NSUN6: variants seen among roughly 807,000 people sequenced by gnomAD.
NSUN6 encodes the protein tRNA (cytosine(72)-C(5))-methyltransferase NSUN6.
In NSUN6, 64 loss-of-function variants were observed where a neutral mutation model predicts 58.0. That is an observed-to-expected ratio of 1.10 (90% CI 0.90 to 1.36). NSUN6 has a LOEUF of 1.36. NSUN6 is among the 40% of genes most tolerant of loss of function. The pLI is 0.00. For synonymous variants in NSUN6, 231 were observed against 193.9 expected, an observed-to-expected ratio of 1.19 and a Z score of -1.59; for missense variants, 701 against 550.1, an observed-to-expected ratio of 1.27 and a Z score of -2.74.
intron 8 of NSUN6, among the ~76,000 whole-genome samples, chr10:18,560,231 G>A (rs1418950785): frequency 2.0e-5 from 3 of 150,324 alleles, no homozygotes; most frequent in African/African-American, 4.9e-5. Flanking sequence ...GGAATGGAAC[G>A]GAGAATGGCA....
chr10:18,606,402 G>C (rs2058050245), intron 6 of NSUN6, among the ~76,000 whole-genome samples: 1 of 82,348 alleles, frequency 1.2e-5, no homozygotes, highest in African/African-American at 4.6e-5. Context: ...GTTATCGCAG[G>C]CCAGAAGAGA....
chr10:18,565,945 C>CTTCCATCCTTCA (rs2055897686), intron 8 of NSUN6, among the ~76,000 whole-genome samples: 2 of 146,634 alleles, frequency 1.4e-5, no homozygotes, highest in African/African-American at 5.0e-5. Flanking sequence ...CTCCCATTCC[C>CTTCCATCCTTCA]TTCCATTCTC....
At chr10:18,639,096 C>A (rs764954797) in intron 3 of NSUN6, among the ~76,000 whole-genome samples, 5 of 151,548 alleles carry the variant, frequency 3.3e-5, no homozygotes, top group Non-Finnish European at 7.4e-5. Context: ...CTCAAACAAA[C>A]AAACAAACAA....
intron 8 of NSUN6, among the ~76,000 whole-genome samples, chr10:18,564,189 T>C (rs1458088804): frequency 6.6e-6 from 1 of 151,352 alleles, no homozygotes; most frequent in Non-Finnish European, 1.5e-5. Context: ...TACCATTCCA[T>C]TCCATTTCAT....
At chr10:18,563,698 TCATTCCATTCTTCATTCCACTC>T (rs1287866105) in intron 8 of NSUN6, among the ~76,000 whole-genome samples, 1 of 150,376 alleles carries the variant, frequency 6.6e-6, no homozygotes, top group African/African-American at 2.4e-5. Context: ...ATTCTCTATT[TCATTCCATTCTTCATTCCACTC>T]CGTTCCATTC....
At chr10:18,585,741 T>C (rs556665669) in intron 8 of NSUN6, among the ~76,000 whole-genome samples, 1 of 152,298 alleles carries the variant, frequency 6.6e-6, no homozygotes, top group East Asian at 1.9e-4. Context: ...CACAGCATGG[T>C]GACTATACTA....
At position 18,614,499 on chromosome 10, in the gene NSUN6, A is replaced by G; in HGVS notation, c.536T>C (p.Leu179Pro). The G allele has an allele frequency of 5.8e-6, 9 of 1,562,336 alleles. No individual in the cohort carries two copies. The highest frequency in any genetic ancestry group is 7.8e-6 in the Non-Finnish European group (9 of 1,157,884). Reference sequence around the variant, plus strand: ...TCCACTGAAGATTTCTTTGCGGCTTAGTTCAGAAATCCCATTTCCAAGAAA... The same window carrying G: ...TCCACTGAAGATTTCTTTGCGGCTTGGTTCAGAAATCCCATTTCCAAGAAA... Reference protein sequence around the residue: ...KVFLGNGISELSRKEIFSGLP... With the variant: ...KVFLGNGISEPSRKEIFSGLP... The change falls in exon 5 of 11, where the codon CTA becomes CCA. Residue 179 changes from leucine (L) to proline (P), a missense_variant. Transcript: ENST00000377304.
intron 7 of NSUN6, among the ~76,000 whole-genome samples, chr10:18,595,927 A>G (rs1183667970): frequency 6.6e-6 from 1 of 152,214 alleles, no homozygotes; most frequent in Non-Finnish European, 1.5e-5. Flanking sequence ...ATGAAATCTT[A>G]TAAGAAAATG....
chr10:18,611,197 ATT>A (rs1215820384), intron 5 of NSUN6, among the ~76,000 whole-genome samples: 11 of 150,574 alleles, frequency 7.3e-5, no homozygotes, highest in African/African-American at 1.9e-4. Context: ...AATAAATAAA[ATT>A]TTTAAAAAAA....
At chr10:18,644,492 A>C (rs1408777583) in intron 2 of NSUN6, among the ~76,000 whole-genome samples, 1 of 112,848 alleles carries the variant, frequency 8.9e-6, no homozygotes, top group African/African-American at 3.5e-5. Context: ...TCACTGTATT[A>C]AGGTATGTCT....
chr10:18,556,051 G>A (rs2054992543), intron 8 of NSUN6, among the ~76,000 whole-genome samples: 1 of 151,208 alleles, frequency 6.6e-6, no homozygotes, highest in Non-Finnish European at 1.5e-5. Flanking sequence ...GTGTGGAATG[G>A]AAGGGAAAAT....
intron 6 of NSUN6, among the ~76,000 whole-genome samples, chr10:18,597,661 G>A (rs962854043): frequency 1.3e-5 from 2 of 152,164 alleles, no homozygotes; most frequent in African/African-American, 2.4e-5. Flanking sequence ...AGCTACTCAG[G>A]AGGCTGAGGC....
At chr10:18,642,599 T>A in intron 2 of NSUN6, 44 bp from the exon 3 acceptor site, 1 of 937,632 alleles carries the variant, frequency 1.1e-6, no homozygotes, top group Non-Finnish European at 1.7e-6. Context: ...ATACATTTGA[T>A]ACATTTCAAC....
rs185827760 is a variant in NSUN6, at chr10:18,583,270, T to C, written c.922+2679A>G. Among the ~76,000 whole-genome samples the C allele has an allele frequency of 2.3e-3, 356 of 152,248 alleles. 6 individuals carry two copies. Among genetic ancestry groups the C allele is most frequent in the Non-Finnish European group, 8.4e-4 (57 of 68,000 alleles). On this transcript the variant is annotated intron_variant, in intron 8 of 10. Coordinates refer to ENST00000377304, the MANE Select transcript of NSUN6 (RefSeq NM_182543.5). The stretch of plus-strand genomic sequence containing the variant: ...AACCACCTTTTACCGTAATTTGCCA[T>C]TACCTACCCAACTCCTATAAGGCAA...
At chr10:18,632,026 A>G (rs1342052374) in intron 3 of NSUN6, among the ~76,000 whole-genome samples, 9 of 151,382 alleles carry the variant, frequency 5.9e-5, no homozygotes, top group African/African-American at 2.2e-4. Flanking sequence ...TACAGTAACC[A>G]AAACAGCATG....
intron 5 of NSUN6, among the ~76,000 whole-genome samples, chr10:18,614,051 A>G (rs1218597553): frequency 1.3e-5 from 2 of 152,158 alleles, no homozygotes; most frequent in South Asian, 4.1e-4. Flanking sequence ...GTTTCTGGTA[A>G]AATTTATTTT....
At chr10:18,612,354 C>T (rs762117125) in intron 5 of NSUN6, among the ~76,000 whole-genome samples, 9 of 152,124 alleles carry the variant, frequency 5.9e-5, no homozygotes, top group Non-Finnish European at 1.3e-4. Context: ...CTCAGGAATT[C>T]AAGGTTATAG....
At chr10:18,652,938 G>C (rs1293943251), upstream of NSUN6, 1 of 984,372 alleles carries the variant, frequency 1.0e-6, no homozygotes, top group Non-Finnish European at 1.2e-6. Context: ...AAAAAGCCAG[G>C]ATAAAGACTA....
upstream of NSUN6, chr10:18,651,896 T>A (rs2059716891): frequency 1.0e-6 from 1 of 985,428 alleles, no homozygotes; most frequent in Non-Finnish European, 1.2e-6. Flanking sequence ...GAGTGGAAGA[T>A]GTTGCTGGAC....
Sources: gnomAD v4.1 joint callset for allele counts (sites outside exome capture counted in the v4.1 genomes callset) on GRCh38, gnomAD v4.1.1 for gene constraint, MANE v1.5 for transcripts, NCBI Gene and HGNC (gene_info 2026-07-23, HGNC 2026-07-21) for gene names.